Variants in CXCL13 observed in about 807,000 individuals in gnomAD.
CXCL13 encodes C-X-C motif chemokine ligand 13.
CXCL13 carries 7 observed loss-of-function variants against 12.2 expected under a neutral mutation model. The observed-to-expected ratio is 0.57, with a 90% CI of 0.33 to 1.07. The LOEUF (loss-of-function observed/expected upper bound fraction) is 1.07. Among genes scored for constraint, CXCL13 ranks in the 50% least tolerant of loss-of-function variants. CXCL13 has a pLI of 0.04. For synonymous variants in CXCL13, 47 were observed against 42.4 expected, an observed-to-expected ratio of 1.11 and a Z score of -0.42; for missense variants, 113 against 127.4, an observed-to-expected ratio of 0.89 and a Z score of 0.55.
chr4:77,546,423 C>T (rs1284940193), intron 1 of CXCL13, among the ~76,000 whole-genome samples: 1 of 152,022 alleles, frequency 6.6e-6, no homozygotes, highest in Admixed American at 6.6e-5. Context: ...CTCAATTTCA[C>T]AGCCTGTTAT....
At chr4:77,591,573 A>G (rs1726612955) in intron 1 of CXCL13, among the ~76,000 whole-genome samples, 1 of 150,750 alleles carries the variant, frequency 6.6e-6, no homozygotes, top group South Asian at 2.1e-4. Flanking sequence ...AAAAAAAAAA[A>G]GTTTCTCAAA....
At chr4:77,588,817 C>T (rs1726542390) in intron 1 of CXCL13, among the ~76,000 whole-genome samples, 1 of 152,180 alleles carries the variant, frequency 6.6e-6, no homozygotes, top group Non-Finnish European at 1.5e-5. Flanking sequence ...CAAAGCTGAA[C>T]TCTCCCATAG....
intron 1 of CXCL13, among the ~76,000 whole-genome samples, chr4:77,514,140 AT>A (rs1367279169): frequency 2.6e-5 from 4 of 151,748 alleles, no homozygotes; most frequent in Admixed American, 6.6e-5. Flanking sequence ...TGAACTCATC[AT>A]TTTTTATGGC....
chr4:77,523,098 C>T (rs1477105787), intron 1 of CXCL13, among the ~76,000 whole-genome samples: 1 of 152,156 alleles, frequency 6.6e-6, no homozygotes, highest in Non-Finnish European at 1.5e-5. Context: ...TGATGGGCTT[C>T]CCTTTGTGGG....
rs564652096 is a variant in CXCL13 at position 77,571,026 on chromosome 4, C to A, written c.-42-34798C>A. ...CTCCACGGTGCCCAGTCCCATCGGCCACCCAAGGCCTGAGGAGTGTGAGCG... is the reference window on the plus strand; with the variant it reads ...CTCCACGGTGCCCAGTCCCATCGGCAACCCAAGGCCTGAGGAGTGTGAGCG... On this transcript the variant is annotated intron_variant, in intron 1 of 4. Coordinates refer to the CXCL13 transcript ENST00000286758. Among the ~76,000 whole-genome samples the A allele has an allele frequency of 1.2e-3, 177 of 152,142 alleles. 4 individuals are homozygous for A. The highest frequency in any genetic ancestry group is 4.2e-3 in the African/African-American group (174 of 41,386).
chr4:77,544,620 G>C (rs1331973798), intron 1 of CXCL13, among the ~76,000 whole-genome samples: 1 of 151,960 alleles, frequency 6.6e-6, no homozygotes, highest in African/African-American at 2.4e-5. Flanking sequence ...AAATTTGTTT[G>C]AGTTCTTTGT....
At chr4:77,561,580 C>T (rs1317811934) in intron 1 of CXCL13, among the ~76,000 whole-genome samples, 1 of 152,198 alleles carries the variant, frequency 6.6e-6, no homozygotes, top group Non-Finnish European at 1.5e-5. Flanking sequence ...CCATCTGCTT[C>T]GAAGACTATC....
chr4:77,586,654 C>T (rs117211853), intron 1 of CXCL13, among the ~76,000 whole-genome samples: 5 of 152,140 alleles, frequency 3.3e-5, no homozygotes, highest in East Asian at 1.9e-4. Context: ...GGAGAAATAA[C>T]GACTTTCTGA....
chr4:77,604,207 A>G (rs1000218046), upstream of CXCL13, among the ~76,000 whole-genome samples: 2 of 152,134 alleles, frequency 1.3e-5, no homozygotes, highest in Non-Finnish European at 2.9e-5. Context: ...GTTGGGGTAG[A>G]AGAGTCTGAA....
intron 1 of CXCL13, among the ~76,000 whole-genome samples, chr4:77,555,559 T>C (rs974052310): frequency 6.6e-6 from 1 of 152,028 alleles, no homozygotes; most frequent in Non-Finnish European, 1.5e-5. Flanking sequence ...ATAAAAATTA[T>C]AAAATGTTTA....
intron 1 of CXCL13, among the ~76,000 whole-genome samples, chr4:77,597,016 G>A (rs548752022): frequency 1.3e-5 from 2 of 152,050 alleles, no homozygotes; most frequent in African/African-American, 2.4e-5. Context: ...GCAAGAACAC[G>A]AATGAACCTG....
At chr4:77,544,119 G>A (rs1244568194) in intron 1 of CXCL13, among the ~76,000 whole-genome samples, 1 of 152,130 alleles carries the variant, frequency 6.6e-6, no homozygotes, top group Non-Finnish European at 1.5e-5. Context: ...GAGTACATGT[G>A]CAACATTTTC....
chr4:77,524,607 A>C (rs115734257), intron 1 of CXCL13, among the ~76,000 whole-genome samples: 1 of 152,112 alleles, frequency 6.6e-6, no homozygotes, highest in Non-Finnish European at 1.5e-5. Flanking sequence ...GTGTCCTGTT[A>C]TTCCAGGTAC....
chr4:77,571,664 C>T (rs1726083390), intron 1 of CXCL13, among the ~76,000 whole-genome samples: 1 of 151,788 alleles, frequency 6.6e-6, no homozygotes, highest in Non-Finnish European at 1.5e-5. Context: ...AGCCACTGGG[C>T]TCTACCAATC....
chr4:77,520,372 G>T (rs1042293023), intron 1 of CXCL13, among the ~76,000 whole-genome samples: 2 of 152,078 alleles, frequency 1.3e-5, no homozygotes, highest in African/African-American at 4.8e-5. Context: ...CCATTTGTTT[G>T]TGTCCTCTTT....
intron 1 of CXCL13, among the ~76,000 whole-genome samples, chr4:77,530,019 A>C (rs1311083723): frequency 1.3e-5 from 2 of 152,228 alleles, no homozygotes; most frequent in Non-Finnish European, 2.9e-5. Flanking sequence ...CCTTTCTTGC[A>C]TCTATTGAGA....
chr4:77,556,291 T>G (rs1014377430), intron 1 of CXCL13, among the ~76,000 whole-genome samples: 5 of 152,160 alleles, frequency 3.3e-5, no homozygotes, highest in African/African-American at 1.2e-4. Context: ...AGACTATTGA[T>G]ATACAGAGTG....
At chr4:77,529,180 AG>A (rs1314361977) in intron 1 of CXCL13, among the ~76,000 whole-genome samples, 1 of 152,164 alleles carries the variant, frequency 6.6e-6, no homozygotes, top group African/African-American at 2.4e-5. Context: ...TGGTTACTGT[AG>A]CCTTGTAGCA....
intron 1 of CXCL13, among the ~76,000 whole-genome samples, chr4:77,538,359 A>G (rs1725113845): frequency 6.6e-6 from 1 of 150,414 alleles, no homozygotes; most frequent in Non-Finnish European, 1.5e-5. Flanking sequence ...TCAGTGAAGA[A>G]TGACTCATTA....
Sources: gnomAD v4.1 joint callset for allele counts (sites outside exome capture counted in the v4.1 genomes callset) on GRCh38, gnomAD v4.1.1 for gene constraint, MANE v1.5 for transcripts, NCBI Gene and HGNC (gene_info 2026-07-23, HGNC 2026-07-21) for gene names.